Variants in CNKSR2 observed in about 807,000 individuals in gnomAD.
The protein encoded by CNKSR2 is CNK homolog protein 2.
Under a neutral mutation model 84.4 loss-of-function variants are expected in CNKSR2, and 14 were observed. The ratio of observed to expected loss-of-function variants is 0.17; its 90% CI spans 0.11 to 0.26. The LOEUF is 0.26. CNKSR2 is among the 10% of genes least tolerant of loss of function. The pLI, the probability that CNKSR2 is intolerant of heterozygous loss-of-function variation, is 1.00. For missense variants in CNKSR2, 485 were observed against 771.2 expected (o/e 0.63, Z 4.40); for synonymous variants, 275 against 277.9 (o/e 0.99, Z 0.10).
intron 20 of CNKSR2, among the ~76,000 whole-genome samples, chrX:21,620,202 T>G (rs2147301163): frequency 9.0e-6 from 1 of 111,299 alleles, no homozygotes; most frequent in East Asian, 2.8e-4. Flanking sequence ...TCTTTAAATT[T>G]TTAAGCATCT....
At position 21,493,929 on chromosome X, in the gene CNKSR2, T is replaced by C. The variant is rs1325075759; in HGVS notation, c.681+3351T>C. ...ATAAAACAAAATATCTTTATTCTTG[T>C]GGCATTTAAAAATTTGTTTTATTTC... On this transcript the variant is annotated intron_variant, in intron 6 of 21. Coordinates refer to ENST00000379510, the MANE Select transcript of CNKSR2 (RefSeq NM_014927.5). The C allele has an allele frequency of 2.7e-5, 3 of 111,992 alleles. No individual in the cohort carries two copies. The South Asian group carries it at 1.1e-3, about 42-fold the overall frequency. The allele number at this position is 111,992 out of a possible 1,213,427, so 9.2% of individuals were successfully genotyped here. A position where few individuals can be genotyped will look rare whatever the true frequency, so the allele number is the denominator to read the frequency against.
chrX:21,430,490 T>C (rs1320097446), intron 2 of CNKSR2, among the ~76,000 whole-genome samples: 1 of 111,682 alleles, frequency 9.0e-6, no homozygotes, highest in Non-Finnish European at 1.9e-5. Flanking sequence ...AGTTACCAAG[T>C]TGAGTAGGTT....
At chrX:21,466,004 C>A (rs1382393661) in intron 4 of CNKSR2, among the ~76,000 whole-genome samples, 4 of 111,503 alleles carry the variant, frequency 3.6e-5, no homozygotes, top group Non-Finnish European at 5.7e-5. Flanking sequence ...AAGAAACACG[C>A]CTCATTTTTA....
intron 20 of CNKSR2, among the ~76,000 whole-genome samples, chrX:21,627,200 G>C (rs1248604732): frequency 9.0e-6 from 1 of 111,127 alleles, no homozygotes. Flanking sequence ...TGCTGATAAA[G>C]ACATACATAA....
At chrX:21,495,450 A>C (rs2091483674) in intron 6 of CNKSR2, 1 of 110,493 alleles carries the variant, frequency 9.1e-6, no homozygotes, top group South Asian at 3.9e-4. Flanking sequence ...TGTTTTGTTC[A>C]CTTTTTCCAC....
intron 13 of CNKSR2, among the ~76,000 whole-genome samples, chrX:21,565,804 T>G (rs1263501621): frequency 8.9e-6 from 1 of 111,764 alleles, no homozygotes; most frequent in Non-Finnish European, 1.9e-5. Context: ...ACTAGGCTCT[T>G]GAGTTCCCTT....
At chrX:21,590,480 A>G in intron 13 of CNKSR2, 92 bp from the exon 14 acceptor site, 1 of 830,379 alleles carries the variant, frequency 1.2e-6, no homozygotes, top group South Asian at 2.6e-5. Flanking sequence ...GTTTAGAGTC[A>G]TCATTTAGCT....
At chrX:21,499,931 A>G (rs1264786852) in intron 7 of CNKSR2, among the ~76,000 whole-genome samples, 1 of 111,015 alleles carries the variant, frequency 9.0e-6, no homozygotes, top group Non-Finnish European at 1.9e-5. Context: ...CATAATGACT[A>G]GAGCCATTTG....
chrX:21,564,524 G>A (rs746020664), intron 13 of CNKSR2, among the ~76,000 whole-genome samples: 122 of 111,756 alleles, frequency 1.1e-3, no homozygotes, highest in Non-Finnish European at 2.1e-3. Flanking sequence ...CTTCTTATTA[G>A]GAGCCCTTGA....
chrX:21,516,645 A>G lies in CNKSR2; in HGVS notation c.957+14A>G. 8.4e-7 allele frequency: 1 copy of G among 1,191,652 alleles called. No individual in the cohort carries two copies. Among genetic ancestry groups the G allele is most frequent in the Non-Finnish European group, 1.1e-6 (1 of 879,103 alleles). On this transcript the variant is annotated intron_variant, in intron 9 of 21. Coordinates refer to ENST00000379510, the MANE Select transcript of CNKSR2 (RefSeq NM_014927.5). ...CTTGCTCTGCAGGTAATGAAGCTTA[A>G]TCATAAGTCATACACCATCATTTTA...
chrX:21,610,929 G>A (rs1260778627), intron 20 of CNKSR2, among the ~76,000 whole-genome samples: 3 of 111,805 alleles, frequency 2.7e-5, no homozygotes, highest in African/African-American at 9.8e-5. Flanking sequence ...CAAAATATAA[G>A]AATTGCTTGT....
chrX:21,610,844 G>C (rs1431918054), intron 20 of CNKSR2, among the ~76,000 whole-genome samples: 3 of 112,115 alleles, frequency 2.7e-5, no homozygotes, highest in African/African-American at 9.7e-5. Flanking sequence ...GGAAATGACT[G>C]ACAAGAAAAT....
intron 5 of CNKSR2, among the ~76,000 whole-genome samples, chrX:21,480,385 T>C (rs2091305524): frequency 8.9e-6 from 1 of 112,402 alleles, no homozygotes; most frequent in Non-Finnish European, 1.9e-5. Context: ...TCACTCTTGC[T>C]ATTTGAATAT....
intron 1 of CNKSR2, among the ~76,000 whole-genome samples, chrX:21,383,539 T>C (rs2089927893): frequency 8.9e-6 from 1 of 112,467 alleles, no homozygotes; most frequent in African/African-American, 3.2e-5. Flanking sequence ...ATATCAAGTA[T>C]AGCATACATG....
At chrX:21,600,570 A>C (rs1301999685) in intron 17 of CNKSR2, among the ~76,000 whole-genome samples, 9 of 112,459 alleles carry the variant, frequency 8.0e-5, no homozygotes, top group Non-Finnish European at 5.6e-5. Context: ...CTGGTGGGAC[A>C]AAAGAAAGAC....
chrX:21,613,735 T>G (rs917986948), intron 20 of CNKSR2, among the ~76,000 whole-genome samples: 4 of 111,946 alleles, frequency 3.6e-5, no homozygotes, highest in Non-Finnish European at 7.5e-5. Context: ...AGGTCAGGAA[T>G]TTGAAACCAG....
At chrX:21,535,194 C>T (rs960855877) in intron 11 of CNKSR2, among the ~76,000 whole-genome samples, 4 of 110,730 alleles carry the variant, frequency 3.6e-5, no homozygotes, top group African/African-American at 1.3e-4. Flanking sequence ...GCTGTAAATA[C>T]GGACTTATTT....
At chrX:21,425,341 T>G (rs775861690) in intron 1 of CNKSR2, 3 of 111,560 alleles carry the variant, frequency 2.7e-5, no homozygotes, top group Admixed American at 1.9e-4. Context: ...GAAGATTGTA[T>G]AGGGAGGCTA....
At chrX:21,389,168 G>T (rs762336651) in intron 1 of CNKSR2, among the ~76,000 whole-genome samples, 2 of 106,213 alleles carry the variant, frequency 1.9e-5, no homozygotes, top group African/African-American at 6.9e-5. Context: ...CAAGGAAAAT[G>T]TGAGAAACTT....
Sources: allele counts gnomAD v4.1 joint callset (sites outside exome capture counted in the v4.1 genomes callset), GRCh38; gene constraint gnomAD v4.1.1; transcripts MANE v1.5; gene names NCBI Gene and HGNC (gene_info 2026-07-23, HGNC 2026-07-21).